Variants in APPL1 observed in about 807,000 individuals in gnomAD.
APPL1 encodes DCC-interacting protein 13-alpha.
In APPL1, 42 loss-of-function variants were observed where a neutral mutation model predicts 106.8. The observed-to-expected ratio is 0.39, with a 90% CI of 0.31 to 0.51. APPL1 has a LOEUF of 0.51. Among genes scored for constraint, APPL1 ranks in the 20% least tolerant of loss-of-function variants. The probability of loss-of-function intolerance (pLI) is 0.75; values close to 1 mark genes in which losing one functional copy is unlikely to be tolerated. For missense variants in APPL1, 769 were observed against 858.2 expected (o/e 0.90, Z 1.30); for synonymous variants, 263 against 281.8 (o/e 0.93, Z 0.67).
At chr3:57,240,791 A>G (rs1449409666) in intron 5 of APPL1, among the ~76,000 whole-genome samples, 4 of 152,132 alleles carry the variant, frequency 2.6e-5, no homozygotes, top group African/African-American at 9.7e-5. Context: ...GCACATGCAT[A>G]ATTACAACAC....
chr3:57,229,692 G>A (rs1390852814), intron 1 of APPL1, among the ~76,000 whole-genome samples: 2 of 140,674 alleles, frequency 1.4e-5, no homozygotes, highest in Non-Finnish European at 3.0e-5. Flanking sequence ...GTGTGCCACT[G>A]TGCCAGCTTT....
At position 57,257,436 on chromosome 3, in the gene APPL1, A is replaced by AT. The variant is rs146206524; in HGVS notation, c.1430+9dup. On this transcript the variant is annotated intron_variant, in intron 15 of 21. Transcript: ENST00000288266. ...CTTTGGCCAGGGAGGCAGGTGGGTG[A>AT]TAGCATCACAGGTACATTGTGCTGT... 2,223 of 1,607,666 alleles carry AT rather than the reference A, an allele frequency of 1.4e-3. 39 individuals are homozygous for AT. In the East Asian group the frequency reaches 0.042, roughly 31 times the overall value.
At chr3:57,257,090 G>A in intron 14 of APPL1, 39 bp downstream of exon 14, 2 of 1,591,432 alleles carry the variant, frequency 1.3e-6, no homozygotes, top group Non-Finnish European at 8.6e-7. Context: ...AAGGAGATGG[G>A]CTATTTAAAG....
chr3:57,264,582 TAA>T (rs373132720), intron 19 of APPL1, among the ~76,000 whole-genome samples: 1 of 149,956 alleles, frequency 6.7e-6, no homozygotes, highest in African/African-American at 2.4e-5. Flanking sequence ...ATAAAAAAAA[TAA>T]AAAAAAATTT....
chr3:57,248,970 T>A (rs2107603402), intron 10 of APPL1, among the ~76,000 whole-genome samples: 1 of 152,340 alleles, frequency 6.6e-6, no homozygotes, highest in Non-Finnish European at 1.5e-5. Context: ...CCTACTTTAA[T>A]ATATTTGTAA....
intron 1 of APPL1, among the ~76,000 whole-genome samples, chr3:57,231,122 G>A (rs1186331036): frequency 2.6e-5 from 4 of 151,466 alleles, no homozygotes; most frequent in African/African-American, 4.9e-5. Flanking sequence ...GGTGAATCAC[G>A]AGGTCAGGAG....
intron 1 of APPL1, among the ~76,000 whole-genome samples, chr3:57,232,453 T>C (rs1244497463): frequency 6.6e-6 from 1 of 152,082 alleles, no homozygotes. Flanking sequence ...GTGTAGTCTC[T>C]CAGTGTTCAA....
chr3:57,250,011 A>G (rs1346023140), intron 11 of APPL1, among the ~76,000 whole-genome samples: 3 of 152,234 alleles, frequency 2.0e-5, no homozygotes, highest in Non-Finnish European at 2.9e-5. Flanking sequence ...GTTGTGAGGA[A>G]CAGAAATTCT....
Position 57,271,018 on chromosome 3 carries a change from AGT to A in APPL1, c.*1332_*1333del, listed in dbSNP as rs923549577. The A allele has an allele frequency of 6.6e-6, 1 of 152,150 alleles. No individual in the cohort carries two copies. The highest frequency in any genetic ancestry group is 2.4e-5 in the African/African-American group (1 of 41,468). The allele number at this position is 152,150 out of a possible 1,614,324, so 9.4% of individuals were successfully genotyped here. Reference sequence around the variant, plus strand: ...TGTTTTCATGTGTTTCACATGAAAAAGTATATATATACAAAGTTAATATAGTG... The same window carrying A: ...TGTTTTCATGTGTTTCACATGAAAAAATATATATACAAAGTTAATATAGTG... On this transcript the variant is annotated 3_prime_UTR_variant, in exon 22 of 22. Transcript: ENST00000288266.
intron 3 of APPL1, 46 bp downstream of exon 3, chr3:57,237,597 A>G (rs1444839199): frequency 1.5e-6 from 2 of 1,323,074 alleles, no homozygotes; most frequent in African/African-American, 1.5e-5. Flanking sequence ...AAAGTATAGT[A>G]TCTGTATAGA....
intron 13 of APPL1, among the ~76,000 whole-genome samples, chr3:57,254,394 G>A (rs1280739343): frequency 6.6e-6 from 1 of 152,164 alleles, no homozygotes; most frequent in Non-Finnish European, 1.5e-5. Flanking sequence ...TAACATTTCA[G>A]ATAAAACAGG....
intron 6 of APPL1, 152 bp downstream of exon 6, chr3:57,242,294 G>A: frequency 5.4e-6 from 3 of 552,554 alleles, no homozygotes; most frequent in Non-Finnish European, 9.1e-6. Context: ...AAATTACACT[G>A]TTTATACAGT....
chr3:57,227,822 G>A lies in APPL1; in HGVS notation c.-62G>A. The A allele has an allele frequency of 7.3e-6, 10 of 1,376,486 alleles. No individual in the cohort carries two copies. The highest frequency in any genetic ancestry group is 9.6e-6 in the Non-Finnish European group (10 of 1,045,446). 85.3% of individuals were successfully genotyped at this position (1,376,486 alleles called of 1,614,324 possible). On this transcript the variant is annotated 5_prime_UTR_variant, in exon 1 of 22. Transcript: ENST00000288266. The stretch of plus-strand genomic sequence containing the variant: ...GGGCCGGGGTCAGCTGCGGCGGGCG[G>A]GCCGGCGCGGGGAGCTGTGGGCGGC...
At chr3:57,227,974 C>G in intron 1 of APPL1, 37 bp downstream of exon 1, 1 of 1,403,604 alleles carries the variant, frequency 7.1e-7, no homozygotes, top group Non-Finnish European at 9.4e-7. Context: ...GAGGGAGAGC[C>G]CAGCTGGCCG....
chr3:57,249,262 C>T, intron 10 of APPL1, 98 bp from the exon 11 acceptor site: 1 of 1,282,684 alleles, frequency 7.8e-7, no homozygotes. Flanking sequence ...TGCCTCTTCG[C>T]AAGCCAGTTC....
At position 57,260,139 on chromosome 3, in the gene APPL1, G is replaced by GT. The variant is rs1444912454; in HGVS notation, c.1683dup (p.Thr562TyrfsTer20). 1 of 1,605,166 alleles carries GT rather than the reference G, an allele frequency of 6.2e-7. No homozygotes were observed. The highest frequency in any genetic ancestry group is 2.2e-5 in the East Asian group (1 of 44,830). On this transcript the variant is annotated frameshift_variant, in exon 18 of 22. Transcript: ENST00000288266. LOFTEE classifies it high-confidence loss of function. ...TAGGTTAATTGATCCACAGACACAA[G>GT]TTACAAGGCTCACGGTGAGTTCCAC...
chr3:57,242,783 T>G (rs2060753639), intron 6 of APPL1, 73 bp from the exon 7 acceptor site: 1 of 1,134,056 alleles, frequency 8.8e-7, no homozygotes, highest in Non-Finnish European at 1.3e-6. Flanking sequence ...GGTGCACATG[T>G]GAAGACCATT....
intron 19 of APPL1, among the ~76,000 whole-genome samples, chr3:57,262,813 G>GGTGTGTGTGT (rs4060605): frequency 3.5e-5 from 5 of 142,706 alleles, no homozygotes; most frequent in African/African-American, 1.0e-4. Context: ...GGGTACAAGG[G>GGTGTGTGTGT]GTGTGTGTGT....
At chr3:57,262,599 T>G (rs1182360352) in intron 19 of APPL1, among the ~76,000 whole-genome samples, 1 of 151,550 alleles carries the variant, frequency 6.6e-6, no homozygotes, top group East Asian at 1.9e-4. Flanking sequence ...TTGGCCAGGC[T>G]GGTCTTGAAC....
Sources: gnomAD v4.1 joint callset for allele counts (sites outside exome capture counted in the v4.1 genomes callset) on GRCh38, gnomAD v4.1.1 for gene constraint, MANE v1.5 for transcripts, NCBI Gene and HGNC (gene_info 2026-07-23, HGNC 2026-07-21) for gene names.